The following MUSK variants were observed in gnomAD, a reference collection of about 807,000 sequenced individuals.
MUSK encodes muscle, skeletal receptor tyrosine-protein kinase.
Under a neutral mutation model 88.7 loss-of-function variants are expected in MUSK, and 55 were observed. The observed-to-expected ratio is 0.62, with a 90% CI of 0.50 to 0.78. MUSK has a LOEUF of 0.78. MUSK is among the 30% of genes least tolerant of loss of function. MUSK has a pLI of 0.00. For synonymous variants in MUSK, 387 were observed against 391.9 expected (o/e 0.99, Z 0.15); for missense variants, 1,015 against 1,074.3 (o/e 0.94, Z 0.77).
intron 8 of MUSK, among the ~76,000 whole-genome samples, chr9:110,763,788 T>C (rs2077435442): frequency 6.6e-6 from 1 of 152,196 alleles, no homozygotes; most frequent in Admixed American, 6.5e-5. Flanking sequence ...TCATCTGGAA[T>C]GCCCTTGGGA....
chr9:110,701,661 ATT>A lies in MUSK; in HGVS notation c.628+4197_628+4198del, dbSNP rs1290350027. Among the ~76,000 whole-genome samples the A allele has an allele frequency of 6.2e-4, 13 of 20,830 alleles. 5 individuals carry two copies. Among genetic ancestry groups the A allele is most frequent in the African/African-American group, 5.3e-3 (13 of 2,462 alleles). 13.7% of individuals were successfully genotyped at this position (20,830 alleles called of 152,430 possible). Reference sequence around the variant, plus strand: ...ACTACTGTGCTCAGCTATTTATTTTATTTATTTTATTTTATTTTTTTTACTTT... The same window carrying A: ...ACTACTGTGCTCAGCTATTTATTTTATATTTTATTTTATTTTTTTTACTTT... On this transcript the variant is annotated intron_variant, in intron 5 of 14. Coordinates refer to ENST00000374448, the MANE Select transcript of MUSK (RefSeq NM_005592.4).
At chr9:110,791,523 G>A (rs1333930717) in intron 14 of MUSK, among the ~76,000 whole-genome samples, 1 of 44,674 alleles carries the variant, frequency 2.2e-5, no homozygotes, top group East Asian at 4.0e-4. Context: ...AGGCGGCAAC[G>A]GGGCTGGGGG....
At position 110,787,726 on chromosome 9, in the gene MUSK, G is replaced by A. The variant is rs766640370; in HGVS notation, c.1815G>A (p.Met605Ile). 6.2e-7 allele frequency: 1 copy of A among 1,613,926 alleles called. No homozygotes were observed. Among genetic ancestry groups the A allele is most frequent in the Non-Finnish European group, 8.5e-7 (1 of 1,179,858 alleles). The part of the protein sequence containing the change: ...PGLLPYEPFT[M>I]VAVKMLKEEA... Reference sequence around the variant, plus strand: ...TACTTCCCTATGAACCTTTCACTATGGTGGCAGTAAAGATGCTCAAAGAAG... The same window carrying A: ...TACTTCCCTATGAACCTTTCACTATAGTGGCAGTAAAGATGCTCAAAGAAG... The change falls in exon 14 of 15, where the codon ATG becomes ATA. Residue 605 changes from methionine to isoleucine, a missense_variant. Physicochemically the swap from Met to Ile is conservative, Grantham distance 10. Transcript: ENST00000374448.
Position 110,726,825 on chromosome 9 carries a change from T to C in MUSK, c.629-7426T>C, listed in dbSNP as rs529784115. Among the ~76,000 whole-genome samples the C allele has an allele frequency of 9.2e-5, 14 of 152,168 alleles. No homozygotes were observed. The East Asian group carries it at 2.3e-3, about 25-fold the overall frequency. ...ATTGTTCTGGGGCTCTAGAAAGATG[T>C]GTCCAGCCCGAAGGCATTCAAATGC... On this transcript the variant is annotated intron_variant, in intron 5 of 14. Coordinates refer to ENST00000374448, the MANE Select transcript of MUSK (RefSeq NM_005592.4).
At chr9:110,692,018 A>G (rs1005974712) in intron 3 of MUSK, among the ~76,000 whole-genome samples, 2 of 152,146 alleles carry the variant, frequency 1.3e-5, no homozygotes, top group Non-Finnish European at 1.5e-5. Context: ...TCTCTCTTAA[A>G]AAGTTTAGGA....
chr9:110,746,671 G>A (rs1260865791), intron 6 of MUSK, among the ~76,000 whole-genome samples: 1 of 152,166 alleles, frequency 6.6e-6, no homozygotes, highest in Admixed American at 6.5e-5. Flanking sequence ...TCTGGTTTAA[G>A]TAGTACCTCC....
chr9:110,799,242 C>A (rs2078056514), intron 14 of MUSK, among the ~76,000 whole-genome samples: 1 of 152,104 alleles, frequency 6.6e-6, no homozygotes, highest in Non-Finnish European at 1.5e-5. Context: ...ATACTTTTAA[C>A]TTTTGCCTGA....
chr9:110,776,590 T>C (rs1296868410), intron 10 of MUSK, 42 bp from the exon 11 acceptor site: 1 of 1,518,650 alleles, frequency 6.6e-7, no homozygotes, highest in Non-Finnish European at 9.1e-7. Flanking sequence ...GTGAGATATC[T>C]GGATGCTCAC....
At chr9:110,669,661 A>T (rs1011967119) in intron 1 of MUSK, among the ~76,000 whole-genome samples, 3 of 152,140 alleles carry the variant, frequency 2.0e-5, no homozygotes, top group African/African-American at 7.2e-5. Flanking sequence ...ACTGACAAAC[A>T]CCTGTTGCAG....
chr9:110,716,029 AT>A (rs2076738646), intron 5 of MUSK, among the ~76,000 whole-genome samples: 1 of 149,624 alleles, frequency 6.7e-6, no homozygotes, highest in Non-Finnish European at 1.5e-5. Flanking sequence ...TGCTAGGCTT[AT>A]TACCTAAGTG....
chr9:110,778,525 A>G (rs1056603437), intron 11 of MUSK, among the ~76,000 whole-genome samples: 2 of 152,136 alleles, frequency 1.3e-5, no homozygotes, highest in African/African-American at 4.8e-5. Flanking sequence ...CCCAAATCCA[A>G]ACTGACTAGT....
chr9:110,746,546 CT>C (rs145294740), intron 6 of MUSK, among the ~76,000 whole-genome samples: 6,116 of 152,238 alleles, frequency 0.04, 458 homozygotes, highest in African/African-American at 0.14. Context: ...GGGCAGCTAT[CT>C]TTCCTACAGA....
chr9:110,731,637 C>G (rs907112502), intron 5 of MUSK, among the ~76,000 whole-genome samples: 1 of 152,020 alleles, frequency 6.6e-6, no homozygotes, highest in Non-Finnish European at 1.5e-5. Context: ...GCCTATCTGC[C>G]CCCTTCAGGG....
intron 6 of MUSK, among the ~76,000 whole-genome samples, chr9:110,743,920 T>C (rs1252609380): frequency 6.6e-6 from 1 of 152,154 alleles, no homozygotes; most frequent in Non-Finnish European, 1.5e-5. Context: ...AAACAGACAT[T>C]ATTACAACTG....
chr9:110,730,530 G>A (rs759530263), intron 5 of MUSK, among the ~76,000 whole-genome samples: 2 of 151,958 alleles, frequency 1.3e-5, no homozygotes, highest in Non-Finnish European at 2.9e-5. Context: ...TTTTTAAATT[G>A]ATGACCTAGA....
intron 5 of MUSK, among the ~76,000 whole-genome samples, chr9:110,711,399 A>G (rs913402420): frequency 1.3e-5 from 2 of 152,186 alleles, no homozygotes; most frequent in African/African-American, 2.4e-5. Context: ...AATGCTGGCA[A>G]AGGTCTCTGA....
chr9:110,751,822 G>T (rs1052209193), intron 7 of MUSK, among the ~76,000 whole-genome samples: 2 of 152,072 alleles, frequency 1.3e-5, no homozygotes, highest in Non-Finnish European at 2.9e-5. Flanking sequence ...AACCACAAAG[G>T]CAACAATTAA....
At chr9:110,688,890 T>C (rs1172624588) in intron 3 of MUSK, among the ~76,000 whole-genome samples, 1 of 149,224 alleles carries the variant, frequency 6.7e-6, no homozygotes. Context: ...TTGTTTGTGT[T>C]AACTGTTTTA....
chr9:110,789,149 T>C (rs1049365637), intron 14 of MUSK, among the ~76,000 whole-genome samples: 1 of 152,224 alleles, frequency 6.6e-6, no homozygotes, highest in Non-Finnish European at 1.5e-5. Context: ...TCAGATCTTC[T>C]CTGGCTGCTT....
Sources: gnomAD v4.1 joint callset for allele counts (sites outside exome capture counted in the v4.1 genomes callset) on GRCh38, gnomAD v4.1.1 for gene constraint, MANE v1.5 for transcripts, NCBI Gene and HGNC (gene_info 2026-07-23, HGNC 2026-07-21) for gene names.